Variants in PAK1 observed in about 807,000 individuals in gnomAD.
PAK1 encodes the protein p21 (RAC1) activated kinase 1.
A neutral mutation model predicts 67.4 loss-of-function variants in PAK1; 29 were observed. That is an observed-to-expected ratio of 0.43 (90% confidence interval 0.32 to 0.59). PAK1 has a LOEUF of 0.59. PAK1 is among the 20% of genes least tolerant of loss of function. PAK1 has a pLI of 0.07. For synonymous variants in PAK1, 223 were observed against 237.4 expected (o/e 0.94, Z 0.56); for missense variants, 337 against 670.7 (o/e 0.50, Z 5.50).
chr11:77,407,953 T>A (rs1291995992), intron 1 of PAK1, among the ~76,000 whole-genome samples: 1 of 152,146 alleles, frequency 6.6e-6, no homozygotes, highest in Non-Finnish European at 1.5e-5. Flanking sequence ...GCCCCAAAAG[T>A]AGGCAGAAAA....
At chr11:77,345,809 G>A (rs1218970746) in intron 9 of PAK1, among the ~76,000 whole-genome samples, 1 of 152,082 alleles carries the variant, frequency 6.6e-6, no homozygotes, top group Admixed American at 6.6e-5. Context: ...CCCTTATAAC[G>A]CACATTAAGG....
At chr11:77,354,127 T>C (rs761628548) in intron 7 of PAK1, among the ~76,000 whole-genome samples, 1 of 152,012 alleles carries the variant, frequency 6.6e-6, no homozygotes, top group Admixed American at 6.6e-5. Flanking sequence ...GCCAGAGAGA[T>C]AAAGTAGAGA....
chr11:77,358,457 A>G (rs1382464252), intron 6 of PAK1, among the ~76,000 whole-genome samples: 2 of 152,188 alleles, frequency 1.3e-5, no homozygotes. Context: ...GTATTTATAT[A>G]TTCTCTTGGG....
chr11:77,326,001 ATGCCCTGCCC>A (rs552684906), intron 14 of PAK1, among the ~76,000 whole-genome samples: 5 of 152,162 alleles, frequency 3.3e-5, no homozygotes, highest in African/African-American at 9.7e-5. Flanking sequence ...ACAGGGCAGT[ATGCCCTGCCC>A]TGCCCTGCCC....
At chr11:77,385,845 G>A (rs1275939634) in intron 2 of PAK1, among the ~76,000 whole-genome samples, 3 of 151,832 alleles carry the variant, frequency 2.0e-5, no homozygotes, top group Non-Finnish European at 4.4e-5. Flanking sequence ...ACAACAGAGC[G>A]TGACTGTCTC....
chr11:77,325,888 T>C (rs761395694), intron 14 of PAK1, among the ~76,000 whole-genome samples: 6 of 152,252 alleles, frequency 3.9e-5, no homozygotes, highest in Non-Finnish European at 7.3e-5. Flanking sequence ...TCAATAAATA[T>C]ATTTTGAGTA....
chr11:77,380,361 T>TCA (rs1467901576), intron 2 of PAK1, among the ~76,000 whole-genome samples: 2 of 152,058 alleles, frequency 1.3e-5, no homozygotes, highest in Non-Finnish European at 2.9e-5. Context: ...GACATGGTGG[T>TCA]GCATGCCTGT....
At chr11:77,490,145 C>A in the PAK1 span, among the ~76,000 whole-genome samples, 1 of 151,648 alleles carries the variant, frequency 6.6e-6, no homozygotes, top group Admixed American at 6.6e-5. Context: ...CTGGCCGCCC[C>A]GTCTGAGAAG....
At chr11:77,383,646 C>CT (rs1178374245) in intron 2 of PAK1, among the ~76,000 whole-genome samples, 1 of 152,092 alleles carries the variant, frequency 6.6e-6, no homozygotes, top group Non-Finnish European at 1.5e-5. Flanking sequence ...AATATTTAGA[C>CT]TGAGTATTCA....
At chr11:77,521,556 G>A in the PAK1 span, among the ~76,000 whole-genome samples, 1 of 152,034 alleles carries the variant, frequency 6.6e-6, no homozygotes, top group Non-Finnish European at 1.5e-5. Context: ...GTCAGGAGGC[G>A]GGTGGTGCAT....
the PAK1 span, among the ~76,000 whole-genome samples, chr11:77,515,214 A>G: frequency 6.6e-6 from 1 of 152,244 alleles, no homozygotes; most frequent in Admixed American, 6.5e-5. Flanking sequence ...AAAACTGGTT[A>G]GCAAACGTCA....
chr11:77,337,406 C>A lies in PAK1; in HGVS notation c.1134G>T (p.Glu378Asp). ...AVCRECLQAL[E>D]FLHSNQVIHR... ...GAATGACCTGGTTCGAATGCAAGAA[C>A]TCCAGAGCCTGCAGACACTATTGAA... The change falls in exon 12 of 15, where the codon GAG becomes GAT. Residue 378 changes from glutamate to aspartate, a missense_variant. Coordinates refer to ENST00000356341, the MANE Select transcript of PAK1 (RefSeq NM_002576.5). 6.2e-7 allele frequency: 1 copy of A among 1,606,058 alleles called. No individual in the cohort carries two copies. Among genetic ancestry groups the A allele is most frequent in the Non-Finnish European group, 8.5e-7 (1 of 1,173,022 alleles).
At chr11:77,392,107 G>A (rs547869735) in intron 2 of PAK1, among the ~76,000 whole-genome samples, 11 of 152,230 alleles carry the variant, frequency 7.2e-5, no homozygotes, top group African/African-American at 2.4e-4. Context: ...TCTGGCAAGA[G>A]CATAATTATT....
intron 9 of PAK1, chr11:77,347,044 G>C (rs577566247): frequency 2.2e-6 from 1 of 456,234 alleles, no homozygotes; most frequent in African/African-American, 2.0e-5. Context: ...CAAAGACTGA[G>C]AGCATCCCAT....
intron 1 of PAK1, among the ~76,000 whole-genome samples, chr11:77,462,810 C>G (rs1957412597): frequency 1.5e-5 from 2 of 136,730 alleles, no homozygotes; most frequent in South Asian, 4.6e-4. Context: ...CCAGCCTGGG[C>G]AACAGAGCGA....
At chr11:77,529,060 T>G in the PAK1 span, among the ~76,000 whole-genome samples, 1,157 of 152,324 alleles carry the variant, frequency 7.6e-3, 13 homozygotes, top group African/African-American at 0.026. Context: ...CTGATGATTT[T>G]TGCCTAGATC....
chr11:77,359,693 T>C (rs369963484), intron 5 of PAK1, among the ~76,000 whole-genome samples: 9 of 152,280 alleles, frequency 5.9e-5, no homozygotes, highest in African/African-American at 2.2e-4. Flanking sequence ...CTGCTTACAA[T>C]CTGTGACAAC....
intron 1 of PAK1, among the ~76,000 whole-genome samples, chr11:77,455,697 C>CATGACAA (rs1193547127): frequency 2.0e-5 from 3 of 152,140 alleles, no homozygotes; most frequent in African/African-American, 4.8e-5. Context: ...TAATAAGAGC[C>CATGACAA]ATGACAAATA....
upstream of PAK1, among the ~76,000 whole-genome samples, chr11:77,479,002 A>G (rs1316728291): frequency 6.7e-6 from 1 of 149,386 alleles, no homozygotes; most frequent in Non-Finnish European, 1.5e-5. Flanking sequence ...GGAGAATGGC[A>G]TGAACCCAAG....
Sources: allele counts gnomAD v4.1 joint callset (sites outside exome capture counted in the v4.1 genomes callset), GRCh38; gene constraint gnomAD v4.1.1; transcripts MANE v1.5; gene names NCBI Gene and HGNC (gene_info 2026-07-23, HGNC 2026-07-21).